Variants in UMAD1 observed in about 807,000 individuals in gnomAD.
The protein encoded by UMAD1 is UBAP1-MVB12-associated (UMA)-domain containing protein 1.
In UMAD1, 8 loss-of-function variants were observed where a neutral mutation model predicts 6.1. The observed-to-expected ratio is 1.30, with a 90% CI of 0.76 to 2.35. The LOEUF (loss-of-function observed/expected upper bound fraction) is 2.35. Among genes scored for constraint, UMAD1 ranks in the 30% most tolerant of loss-of-function variants. The probability of loss-of-function intolerance (pLI) is 0.00; values close to 1 mark genes in which losing one functional copy is unlikely to be tolerated. For missense variants in UMAD1, 130 were observed against 78.4 expected, an observed-to-expected ratio of 1.66 and a Z score of -2.49; for synonymous variants, 56 against 31.4, an observed-to-expected ratio of 1.78 and a Z score of -2.61.
intron 2 of UMAD1, among the ~76,000 whole-genome samples, chr7:7,795,380 C>A (rs570541441): frequency 4.1e-4 from 62 of 152,290 alleles, no homozygotes; most frequent in African/African-American, 1.4e-3. Flanking sequence ...GAGCAGACAG[C>A]AACATGCTGC....
At chr7:7,810,736 C>T (rs971358732) in intron 3 of UMAD1, among the ~76,000 whole-genome samples, 3 of 152,084 alleles carry the variant, frequency 2.0e-5, no homozygotes, top group East Asian at 1.9e-4. Context: ...GAGGAAACAA[C>T]GTATTCACTC....
chr7:7,645,619 C>T (rs559291379), intron 1 of UMAD1, among the ~76,000 whole-genome samples: 4 of 152,294 alleles, frequency 2.6e-5, no homozygotes, highest in African/African-American at 9.6e-5. Context: ...AATTTTCCTT[C>T]TATTCCTAGT....
intron 3 of UMAD1, among the ~76,000 whole-genome samples, chr7:7,812,811 T>TG (rs1783046609): frequency 6.6e-6 from 1 of 151,848 alleles, no homozygotes; most frequent in African/African-American, 2.4e-5. Flanking sequence ...CTTTTTTTTT[T>TG]TTTTCAAATT....
At chr7:7,668,867 G>A (rs1779535343) in intron 1 of UMAD1, among the ~76,000 whole-genome samples, 1 of 152,120 alleles carries the variant, frequency 6.6e-6, no homozygotes, top group Non-Finnish European at 1.5e-5. Flanking sequence ...GCCTCAGGAG[G>A]AACCAGCTCT....
chr7:7,754,914 C>T (rs1253370439), intron 2 of UMAD1, among the ~76,000 whole-genome samples: 1 of 152,184 alleles, frequency 6.6e-6, no homozygotes, highest in East Asian at 1.9e-4. Context: ...CTTTTCGCAG[C>T]AACTTACAGA....
intron 3 of UMAD1, among the ~76,000 whole-genome samples, chr7:7,853,714 G>T (rs1056523012): frequency 1.3e-5 from 2 of 151,896 alleles, no homozygotes; most frequent in African/African-American, 4.8e-5. Context: ...GAATTCCTTA[G>T]GATTTTCTAC....
intron 2 of UMAD1, among the ~76,000 whole-genome samples, chr7:7,793,983 C>G (rs1036454145): frequency 6.6e-6 from 1 of 152,034 alleles, no homozygotes; most frequent in Non-Finnish European, 1.5e-5. Flanking sequence ...TGCAGAATTT[C>G]TTAGATGCTA....
intron 1 of UMAD1, among the ~76,000 whole-genome samples, chr7:7,664,451 T>C (rs1779385205): frequency 6.6e-6 from 1 of 152,218 alleles, no homozygotes; most frequent in South Asian, 2.1e-4. Context: ...ACTCTGAATA[T>C]GCTGACACTT....
At position 7,708,132 on chromosome 7, in the gene UMAD1, TCTG is replaced by T. The variant is rs147612669; in HGVS notation, c.82+34684_82+34686del. 5.2e-3 allele frequency among the ~76,000 whole-genome samples: 795 copies of T among 152,326 alleles called. 10 individuals are homozygous for T. Among genetic ancestry groups the T allele is most frequent in the African/African-American group, 0.018 (758 of 41,578 alleles). On this transcript the variant is annotated intron_variant, in intron 2 of 3. Coordinates refer to ENST00000682710, the MANE Select transcript of UMAD1 (RefSeq NM_001302348.2). ...ACCTTATTCAAATTTGGATCATGGT[TCTG>T]CTGCGACATCCACGCCATTATCATC...
intron 3 of UMAD1, among the ~76,000 whole-genome samples, chr7:7,813,759 T>C (rs149689845): frequency 6.6e-6 from 1 of 152,244 alleles, no homozygotes; most frequent in East Asian, 1.9e-4. Context: ...TATGACTAGC[T>C]CAAACCAACC....
At chr7:7,645,735 C>A (rs1453816705) in intron 1 of UMAD1, among the ~76,000 whole-genome samples, 6 of 151,830 alleles carry the variant, frequency 4.0e-5, no homozygotes. Context: ...TTGAACCAAG[C>A]TCACATTCTT....
At chr7:7,856,954 A>C (rs780715268) in intron 3 of UMAD1, among the ~76,000 whole-genome samples, 4 of 152,198 alleles carry the variant, frequency 2.6e-5, no homozygotes, top group Non-Finnish European at 4.4e-5. Flanking sequence ...GAATTTAAAA[A>C]ATTTTTCAAC....
intron 2 of UMAD1, among the ~76,000 whole-genome samples, chr7:7,734,588 CT>C (rs1781314103): frequency 6.6e-6 from 1 of 152,128 alleles, no homozygotes; most frequent in South Asian, 2.1e-4. Flanking sequence ...ATAAATTTTA[CT>C]GTACATTTGA....
intron 2 of UMAD1, among the ~76,000 whole-genome samples, chr7:7,790,534 G>T (rs1782548459): frequency 6.6e-6 from 1 of 152,196 alleles, no homozygotes; most frequent in South Asian, 2.1e-4. Context: ...TCCTAATGGT[G>T]ATTCACTATT....
chr7:7,718,232 C>G (rs1219336929), intron 2 of UMAD1, among the ~76,000 whole-genome samples: 1 of 152,014 alleles, frequency 6.6e-6, no homozygotes, highest in Non-Finnish European at 1.5e-5. Context: ...ATTTTTATCC[C>G]CAAGGGTATT....
At chr7:7,734,985 A>C (rs1452401718) in intron 2 of UMAD1, among the ~76,000 whole-genome samples, 1 of 152,148 alleles carries the variant, frequency 6.6e-6, no homozygotes, top group Admixed American at 6.5e-5. Flanking sequence ...ATAGTCCTAA[A>C]ATTATATTTA....
At chr7:7,683,218 C>G (rs577058837) in intron 2 of UMAD1, among the ~76,000 whole-genome samples, 1 of 152,284 alleles carries the variant, frequency 6.6e-6, no homozygotes, top group African/African-American at 2.4e-5. Flanking sequence ...AGGGATCTAT[C>G]TCTCTGTGAT....
intron 2 of UMAD1, among the ~76,000 whole-genome samples, chr7:7,693,347 G>A (rs10486185): frequency 0.077 from 7,729 of 100,292 alleles, 250 homozygotes; most frequent in Middle Eastern, 0.2. Flanking sequence ...ACATTATTTC[G>A]GTAGACTTAA....
chr7:7,643,885 T>TG (rs1785035513), intron 1 of UMAD1, among the ~76,000 whole-genome samples: 1 of 152,172 alleles, frequency 6.6e-6, no homozygotes. Flanking sequence ...GGAACTTGCC[T>TG]GGGTCTCTGT....
Sources: gnomAD v4.1 joint callset for allele counts (sites outside exome capture counted in the v4.1 genomes callset) on GRCh38, gnomAD v4.1.1 for gene constraint, MANE v1.5 for transcripts, NCBI Gene and HGNC (gene_info 2026-07-23, HGNC 2026-07-21) for gene names.